CACNA1C: variants seen among roughly 807,000 people sequenced by gnomAD.
CACNA1C encodes voltage-dependent L-type calcium channel subunit alpha-1C.
Under a neutral mutation model 229.0 loss-of-function variants are expected in CACNA1C, and 30 were observed. The observed-to-expected ratio is 0.13, with a 90% CI of 0.10 to 0.18. The LOEUF (loss-of-function observed/expected upper bound fraction) is 0.18, where lower values mean the gene tolerates loss of function less well. Among genes scored for constraint, CACNA1C ranks in the 10% least tolerant of loss-of-function variants. The pLI is 1.00. For synonymous variants in CACNA1C, 1,114 were observed against 1,132.5 expected, an observed-to-expected ratio of 0.98 and a Z score of 0.33; for missense variants, 1,658 against 2,845.0, an observed-to-expected ratio of 0.58 and a Z score of 9.49.
intron 22 of CACNA1C, among the ~76,000 whole-genome samples, chr12:2,604,674 A>G (rs1197327705): frequency 6.6e-6 from 1 of 152,174 alleles, no homozygotes; most frequent in Non-Finnish European, 1.5e-5. Context: ...TTTACAGATA[A>G]AGAAACTAGA....
intron 3 of CACNA1C, among the ~76,000 whole-genome samples, chr12:2,244,130 G>GGCTCAGATTCATCTA (rs1172002940): frequency 2.0e-5 from 3 of 152,218 alleles, no homozygotes; most frequent in Non-Finnish European, 2.9e-5. Context: ...TGCTGCTCTT[G>GGCTCAGATTCATCTA]GCTCAGATTC....
At chr12:2,106,616 T>TG (rs1428856791) in intron 1 of CACNA1C, among the ~76,000 whole-genome samples, 11 of 101,558 alleles carry the variant, frequency 1.1e-4, no homozygotes, top group African/African-American at 3.3e-4. Context: ...CCACCTCAGC[T>TG]GGGCATCCTG....
intron 3 of CACNA1C, among the ~76,000 whole-genome samples, chr12:2,180,980 A>G (rs1411155148): frequency 1.3e-5 from 2 of 152,172 alleles, no homozygotes; most frequent in Non-Finnish European, 2.9e-5. Context: ...AGAATAAAAT[A>G]AAACACCTGG....
At chr12:2,513,015 T>TG in intron 9 of CACNA1C, 31 bp downstream of exon 9, 2 of 1,559,420 alleles carry the variant, frequency 1.3e-6, no homozygotes, top group East Asian at 4.7e-5. Flanking sequence ...GTGTTTGGGC[T>TG]GGGTTCTGGG....
chr12:2,526,441 A>C (rs755286223), intron 9 of CACNA1C, among the ~76,000 whole-genome samples: 2 of 152,262 alleles, frequency 1.3e-5, no homozygotes, highest in African/African-American at 2.4e-5. Flanking sequence ...GAAAAATCAC[A>C]GGACATGCTC....
chr12:2,165,846 C>T (rs1466792103), intron 3 of CACNA1C, among the ~76,000 whole-genome samples: 2 of 152,148 alleles, frequency 1.3e-5, no homozygotes, highest in Non-Finnish European at 2.9e-5. Context: ...TCCAGATCTC[C>T]CATGTCTTGA....
chr12:2,116,852 G>A (rs543427657), intron 2 of CACNA1C, among the ~76,000 whole-genome samples: 1 of 152,300 alleles, frequency 6.6e-6, no homozygotes, highest in African/African-American at 2.4e-5. Flanking sequence ...TCTCTCAAGG[G>A]CCAGGATGGG....
intron 46 of CACNA1C, 30 bp from the exon 47 acceptor site, chr12:2,690,870 T>A: frequency 6.6e-7 from 1 of 1,514,660 alleles, no homozygotes; most frequent in Non-Finnish European, 8.9e-7. Context: ...GTTCCTTTGG[T>A]TCTTCATGGC....
chr12:2,043,765 C>T (rs1327584096), intron 1 of CACNA1C, among the ~76,000 whole-genome samples: 3 of 140,640 alleles, frequency 2.1e-5, no homozygotes, highest in Non-Finnish European at 4.6e-5. Context: ...ACGCCATTCT[C>T]CTGCCTCAGC....
Position 2,463,005 on chromosome 12 carries a change from T to C in CACNA1C, c.757+5299T>C, listed in dbSNP as rs149984835. ...TCGGCTCACTGTAAGCTCCGCCTCCTGGGTTCACGCCATTCTCCTGCTTCA... is the reference window on the plus strand; with the variant it reads ...TCGGCTCACTGTAAGCTCCGCCTCCCGGGTTCACGCCATTCTCCTGCTTCA... On this transcript the variant is annotated intron_variant, in intron 5 of 46. Coordinates refer to ENST00000399655, the MANE Select transcript of CACNA1C (RefSeq NM_000719.7). Among the ~76,000 whole-genome samples, 206 of 147,106 alleles carry C rather than the reference T, an allele frequency of 1.4e-3. 1 individual carries two copies. The highest frequency in any genetic ancestry group is 3.9e-3 in the South Asian group (18 of 4,608).
At chr12:2,662,053 T>C (rs533119414) in intron 34 of CACNA1C, among the ~76,000 whole-genome samples, 4 of 152,022 alleles carry the variant, frequency 2.6e-5, no homozygotes, top group Admixed American at 6.6e-5. Context: ...CCATCCTGGC[T>C]AACACCGTGA....
In CACNA1C at chr12:2,244,827, G is replaced by A. The variant is rs147593681; in HGVS notation, c.477+124397G>A. 5.9e-3 allele frequency among the ~76,000 whole-genome samples: 905 copies of A among 152,320 alleles called. 8 individuals carry two copies. Among genetic ancestry groups the A allele is most frequent in the African/African-American group, 0.021 (868 of 41,570 alleles). On this transcript the variant is annotated intron_variant, in intron 3 of 46. Transcript: ENST00000399655. ...TAATGTTAATAAACAGGGGGATTAG[G>A]TTCATTTATGTAAAAGGGAATGCTT... is the stretch of plus-strand genomic sequence containing the variant.
chr12:1,990,702 G>A (rs2154473325), intron 1 of CACNA1C, among the ~76,000 whole-genome samples: 1 of 152,258 alleles, frequency 6.6e-6, no homozygotes, highest in Non-Finnish European at 1.5e-5. Flanking sequence ...AGAATATCTT[G>A]AGGAAATAGT....
At chr12:2,043,552 T>C in intron 1 of CACNA1C, among the ~76,000 whole-genome samples, 1 of 151,964 alleles carries the variant, frequency 6.6e-6, no homozygotes, top group Non-Finnish European at 1.5e-5. Context: ...ATTTCATTCG[T>C]CAGGACTAGT....
rs1245985203 is a variant in CACNA1C, at chr12:2,689,491, CCACCAGCGGACAGA to C, written c.6117+713_6117+726del. On this transcript the variant is annotated intron_variant, in intron 46 of 46. Coordinates refer to ENST00000399655, the MANE Select transcript of CACNA1C (RefSeq NM_000719.7). This position sits in a 1 kb window ranked among gnomAD's most constrained non-coding sequence, Gnocchi z 4.2. ...ATGGGGAAAGGGTGGCAGGCTCAGCCCACCAGCGGACAGATTTCAGCTCACATGGGGAAGACCTT... is the reference window on the plus strand; with the variant it reads ...ATGGGGAAAGGGTGGCAGGCTCAGCCTTTCAGCTCACATGGGGAAGACCTT... Among the ~76,000 whole-genome samples, 2 of 152,010 alleles carry C rather than the reference CCACCAGCGGACAGA, an allele frequency of 1.3e-5. No homozygotes were observed. Among genetic ancestry groups the C allele is most frequent in the African/African-American group, 4.8e-5 (2 of 41,378 alleles).
intron 21 of CACNA1C, among the ~76,000 whole-genome samples, chr12:2,599,496 A>G (rs2070719701): frequency 1.3e-5 from 2 of 152,220 alleles, no homozygotes; most frequent in Non-Finnish European, 2.9e-5. Flanking sequence ...ATCAAGACCA[A>G]TGAGTAGAAA....
chr12:2,682,025 C>A (rs1556182420), intron 42 of CACNA1C: 1 of 1,609,764 alleles, frequency 6.2e-7, no homozygotes, highest in Non-Finnish European at 8.5e-7. Flanking sequence ...AGGCTCACTG[C>A]CTTCTGCTCA....
intron 3 of CACNA1C, among the ~76,000 whole-genome samples, chr12:2,317,757 T>C (rs1339107071): frequency 6.6e-6 from 1 of 152,216 alleles, no homozygotes; most frequent in Non-Finnish European, 1.5e-5. Flanking sequence ...CCAAGCACTG[T>C]GGCCCTGCGC....
At chr12:2,293,186 C>T (rs373348524) in intron 3 of CACNA1C, among the ~76,000 whole-genome samples, 2 of 152,174 alleles carry the variant, frequency 1.3e-5, no homozygotes, top group Non-Finnish European at 2.9e-5. Context: ...AACGGTAACA[C>T]TTTTAAATCT....
Sources: allele counts gnomAD v4.1 joint callset (sites outside exome capture counted in the v4.1 genomes callset), GRCh38; gene constraint gnomAD v4.1.1; non-coding constraint Gnocchi (gnomAD v3.1); transcripts MANE v1.5; gene names NCBI Gene and HGNC (gene_info 2026-07-23, HGNC 2026-07-21).